Variants in CIITA observed in about 807,000 individuals in gnomAD.
CIITA encodes the protein MHC class II transactivator.
CIITA carries 72 observed loss-of-function variants against 115.1 expected under a neutral mutation model. That is an observed-to-expected ratio of 0.63 (90% CI 0.52 to 0.76). The LOEUF (loss-of-function observed/expected upper bound fraction) is 0.76. CIITA is among the 30% of genes least tolerant of loss of function. The pLI is 0.00. For synonymous variants in CIITA, 763 were observed against 635.6 expected, an observed-to-expected ratio of 1.20 and a Z score of -3.02; for missense variants, 1,617 against 1,463.8, an observed-to-expected ratio of 1.10 and a Z score of -1.71.
intron 1 of CIITA, among the ~76,000 whole-genome samples, chr16:10,894,215 A>G (rs1271767426): frequency 6.6e-6 from 1 of 152,098 alleles, no homozygotes; most frequent in Non-Finnish European, 1.5e-5. Context: ...AGAATCATAC[A>G]ATATGTGACC....
At chr16:10,900,327 T>G (rs1393430742) in intron 5 of CIITA, among the ~76,000 whole-genome samples, 3 of 152,218 alleles carry the variant, frequency 2.0e-5, no homozygotes, top group African/African-American at 7.2e-5. Flanking sequence ...GAGGTCACGT[T>G]CCATATTATT....
upstream of CIITA, among the ~76,000 whole-genome samples, chr16:10,876,108 G>A (rs1477689443): frequency 1.3e-5 from 2 of 152,158 alleles, no homozygotes; most frequent in Admixed American, 6.5e-5. Flanking sequence ...AGCGAGCCAA[G>A]ATCATGCCAT....
Position 10,901,104 on chromosome 16 carries a change from A to T in CIITA, c.437-410A>T, listed in dbSNP as rs1365989887. Among the ~76,000 whole-genome samples the T allele has an allele frequency of 6.6e-6, 1 of 151,914 alleles. No homozygotes were observed. The highest frequency in any genetic ancestry group is 1.5e-5 in the Non-Finnish European group (1 of 67,984). ...CTGTTGCTGTGAGTGCTTGATACTC[A>T]CTCACTGATTTCTGGCATACTCCTG... On this transcript the variant is annotated intron_variant, in intron 5 of 19. Coordinates refer to ENST00000324288, the MANE Select transcript of CIITA (RefSeq NM_000246.4). This position sits in a 1 kb window ranked among gnomAD's most constrained non-coding sequence, Gnocchi z 6.8.
chr16:10,908,570 T>G, intron 11 of CIITA: 1 of 412,670 alleles, frequency 2.4e-6, no homozygotes, highest in Non-Finnish European at 4.5e-6. Flanking sequence ...ACCAGACCAA[T>G]CTTCTCAGAA....
At chr16:10,908,649 G>A (rs1290340745) in intron 11 of CIITA, 1 of 462,200 alleles carries the variant, frequency 2.2e-6, no homozygotes, top group South Asian at 2.1e-5. Flanking sequence ...TCAGGATGAA[G>A]GCTAAATTCC....
downstream of CIITA, chr16:10,937,374 C>T (rs1023516086): frequency 1.3e-5 from 2 of 152,378 alleles, no homozygotes; most frequent in Admixed American, 1.3e-4. This position sits in a 1 kb window ranked among gnomAD's most constrained non-coding sequence, Gnocchi z 4.2. Flanking sequence ...GGGTTTCTGA[C>T]CTGGGCAGCT....
Position 10,880,995 on chromosome 16 carries a change from C to T in CIITA, c.52+3613C>T, listed in dbSNP as rs527253808. ...TTGTTTAGAAAGATCAGAGAGGGGC[C>T]GGGAGCAGTGGTTCACACCTGTAAT... On this transcript the variant is annotated intron_variant, in intron 1 of 19. Coordinates refer to ENST00000324288, the MANE Select transcript of CIITA (RefSeq NM_000246.4). Among the ~76,000 whole-genome samples the T allele has an allele frequency of 1.3e-4, 20 of 152,232 alleles. No individual in the cohort carries two copies. The South Asian group carries it at 2.1e-3, about 16-fold the overall frequency.
chr16:10,897,773 A>G (rs1179538961), intron 3 of CIITA, among the ~76,000 whole-genome samples: 1 of 150,772 alleles, frequency 6.6e-6, no homozygotes. Flanking sequence ...GTTAGGTACT[A>G]CCCCACAACC....
At chr16:10,895,851 C>G in intron 3 of CIITA, 87 bp downstream of exon 3, 1 of 1,229,852 alleles carries the variant, frequency 8.1e-7, no homozygotes, top group East Asian at 2.4e-5. Context: ...TCATCATGAG[C>G]CACGTCAGTC....
chr16:10,880,834 C>T (rs1016063414), intron 1 of CIITA, among the ~76,000 whole-genome samples: 3 of 152,218 alleles, frequency 2.0e-5, no homozygotes, highest in South Asian at 2.1e-4. Flanking sequence ...GACTTCCCCT[C>T]TCTGAGGTTC....
intron 13 of CIITA, among the ~76,000 whole-genome samples, chr16:10,914,064 C>T (rs1010344322): frequency 2.6e-5 from 4 of 152,224 alleles, no homozygotes; most frequent in Middle Eastern, 3.4e-3. Flanking sequence ...GCTTGCTTTC[C>T]GATTTCTTTG....
chr16:10,914,893 A>T (rs958037762), intron 13 of CIITA, among the ~76,000 whole-genome samples: 1 of 152,208 alleles, frequency 6.6e-6, no homozygotes, highest in Non-Finnish European at 1.5e-5. Flanking sequence ...TACCACTGGC[A>T]GTGGTCGTCA....
At chr16:10,875,218 C>A (rs2035751768), upstream of CIITA, among the ~76,000 whole-genome samples, 1 of 152,128 alleles carries the variant, frequency 6.6e-6, no homozygotes, top group Non-Finnish European at 1.5e-5. Context: ...CTCAGCCTCC[C>A]AAAGGACTAG....
chr16:10,902,574 C>A, intron 7 of CIITA, 84 bp from the exon 8 acceptor site: 1 of 1,565,978 alleles, frequency 6.4e-7, no homozygotes, highest in South Asian at 1.1e-5. Flanking sequence ...TTAGGGGGGT[C>A]AGACATTAAT....
chr16:10,937,562 A>G (rs1244110569), downstream of CIITA: 1 of 152,254 alleles, frequency 6.6e-6, no homozygotes, highest in Non-Finnish European at 1.5e-5. This position sits in a 1 kb window ranked among gnomAD's most constrained non-coding sequence, Gnocchi z 4.2. Context: ...CTGCACCAGG[A>G]CAAGCTGACT....
Position 10,903,766 on chromosome 16 carries a change from A to G in CIITA, c.808A>G (p.Ser270Gly). 2.5e-6 allele frequency: 4 copies of G among 1,614,096 alleles called. No individual in the cohort carries two copies. Among genetic ancestry groups the G allele is most frequent in the Non-Finnish European group, 3.4e-6 (4 of 1,180,012 alleles). ...VPQASQVPPP[S>G]GFTVHGLPTS... ...CCAGGCCAGCCAAGTACCCCCTCCC[A>G]GTGGATTCACTGTCCACGGCCTCCC... is the stretch of plus-strand genomic sequence containing the variant. The change falls in exon 9 of 20, where the codon AGT becomes GGT. Residue 270 changes from serine to glycine, a missense_variant. By Grantham distance (56) the Ser-to-Gly change is moderately conservative. Coordinates refer to ENST00000324288, the MANE Select transcript of CIITA (RefSeq NM_000246.4).
intron 10 of CIITA, among the ~76,000 whole-genome samples, chr16:10,906,134 G>T (rs4781017): frequency 1.3e-5 from 2 of 152,066 alleles, no homozygotes; most frequent in Non-Finnish European, 2.9e-5. Flanking sequence ...TTGAAGCTGT[G>T]GTGGACCATG....
rs756438358 is a variant in CIITA, at chr16:10,941,929, G to A, written n.1055G>A. On this transcript the variant is annotated non_coding_transcript_exon_variant, in exon 2 of 2. Coordinates refer to the CIITA transcript ENST00000573379. This position sits in a 1 kb window ranked among gnomAD's most constrained non-coding sequence, Gnocchi z 6.4. ...GAACAGGCCCACGTAGAACATAGAG[G>A]GCAGCAGCGGCGGCGGCACGTAGGG... The A allele has an allele frequency of 3.1e-6, 5 of 1,594,678 alleles. No homozygotes were observed. In the South Asian group the frequency reaches 5.6e-5, roughly 18 times the overall value.
rs940787520 is a variant in CIITA at position 10,929,524 on chromosome 16, C to T, written c.*5669C>T. Reference sequence around the variant, plus strand: ...CACTCTCCTGGGTTCAAACAGGAACCTCTCTGTTGGCACGAAGCTTTTGAG... The same window carrying T: ...CACTCTCCTGGGTTCAAACAGGAACTTCTCTGTTGGCACGAAGCTTTTGAG... On this transcript the variant is annotated 3_prime_UTR_variant, in exon 20 of 20. Transcript: ENST00000324288. The surrounding 1 kb of genome is among the most constrained non-coding windows in gnomAD (Gnocchi z 4.3). The T allele has an allele frequency of 1.0e-5, 10 of 985,444 alleles. No individual in the cohort carries two copies. Among genetic ancestry groups the T allele is most frequent in the East Asian group, 2.3e-4 (2 of 8,828 alleles). The allele number at this position is 985,444 out of a possible 1,614,324, so 61.0% of individuals were successfully genotyped here.
Sources: allele counts gnomAD v4.1 joint callset (sites outside exome capture counted in the v4.1 genomes callset), GRCh38; gene constraint gnomAD v4.1.1; non-coding constraint Gnocchi (gnomAD v3.1); transcripts MANE v1.5; gene names NCBI Gene and HGNC (gene_info 2026-07-23, HGNC 2026-07-21).